The following RCOR3 variants were observed in gnomAD, a reference collection of about 807,000 sequenced individuals.
The protein encoded by RCOR3 is REST corepressor 3.
A neutral mutation model predicts 64.1 loss-of-function variants in RCOR3; 13 were observed. The ratio of observed to expected loss-of-function variants is 0.20; its 90% confidence interval spans 0.13 to 0.32. The LOEUF (loss-of-function observed/expected upper bound fraction) is 0.32. Among genes scored for constraint, RCOR3 ranks in the 10% least tolerant of loss-of-function variants. The pLI is 1.00. For synonymous variants in RCOR3, 215 were observed against 239.0 expected (o/e 0.90, Z 0.93); for missense variants, 489 against 701.2 (o/e 0.70, Z 3.42).
Position 211,270,186 on chromosome 1 carries a change from C to T in RCOR3, c.224-1046C>T, listed in dbSNP as rs530195218. Among the ~76,000 whole-genome samples the T allele has an allele frequency of 1.9e-4, 29 of 151,648 alleles. 1 individual carries two copies. The highest frequency in any genetic ancestry group is 5.3e-4 in the Admixed American group (8 of 15,220). On this transcript the variant is annotated intron_variant, in intron 2 of 11. Transcript: ENST00000419091. ...TCAAGCAGTTCTCCTGCGTCAGCCT[C>T]CCAAGTAGCTGGATTACAGGTGCGC...
intron 2 of RCOR3, 95 bp from the exon 3 acceptor site, chr1:211,271,137 A>C: frequency 4.8e-6 from 5 of 1,052,134 alleles, no homozygotes; most frequent in Non-Finnish European, 7.2e-6. Context: ...GATTACAGGC[A>C]TGAGCCACCG....
At chr1:211,286,067 G>A (rs1021378042) in intron 7 of RCOR3, among the ~76,000 whole-genome samples, 8 of 152,122 alleles carry the variant, frequency 5.3e-5, no homozygotes, top group Non-Finnish European at 8.8e-5. Flanking sequence ...TGTTAAGTAT[G>A]TGTCTTATAA....
intron 1 of RCOR3, 54 bp downstream of exon 1, chr1:211,259,780 C>A: frequency 1.5e-6 from 2 of 1,356,034 alleles, no homozygotes; most frequent in Non-Finnish European, 1.9e-6. Context: ...CCCTCTTCCC[C>A]TCCCCCAGCC....
chr1:211,269,562 AC>A (rs560455883), intron 2 of RCOR3, among the ~76,000 whole-genome samples: 9 of 152,122 alleles, frequency 5.9e-5, no homozygotes, highest in South Asian at 2.1e-4. Flanking sequence ...ACGCCATTGC[AC>A]TCCAGCCTGG....
chr1:211,284,713 G>A (rs1698291345), intron 7 of RCOR3, among the ~76,000 whole-genome samples: 1 of 151,862 alleles, frequency 6.6e-6, no homozygotes, highest in African/African-American at 2.4e-5. Context: ...GTAGAGATGG[G>A]GTCTTGCTAC....
At chr1:211,277,431 T>C (rs1697175673) in intron 5 of RCOR3, among the ~76,000 whole-genome samples, 1 of 152,168 alleles carries the variant, frequency 6.6e-6, no homozygotes, top group Non-Finnish European at 1.5e-5. Context: ...GAGACTTCAT[T>C]TGATGGCCAA....
At chr1:211,309,293 TA>T (rs1488866978) in intron 10 of RCOR3, among the ~76,000 whole-genome samples, 1 of 152,192 alleles carries the variant, frequency 6.6e-6, no homozygotes, top group Non-Finnish European at 1.5e-5. Context: ...TTTAGCAAGT[TA>T]AAAGTGTTAA....
intron 10 of RCOR3, among the ~76,000 whole-genome samples, chr1:211,310,310 G>T (rs79160370): frequency 0.028 from 4,257 of 152,206 alleles, 77 homozygotes; most frequent in South Asian, 0.073. Context: ...CATCCTTCAG[G>T]ATGAGGGGAT....
chr1:211,267,312 T>G (rs1194094038), intron 2 of RCOR3, among the ~76,000 whole-genome samples: 1 of 152,246 alleles, frequency 6.6e-6, no homozygotes, highest in Non-Finnish European at 1.5e-5. Context: ...GTTCATATTC[T>G]TAACCATTGC....
rs180783815 is a variant in RCOR3 at position 211,269,379 on chromosome 1, C to T, written c.224-1853C>T. Among the ~76,000 whole-genome samples the T allele has an allele frequency of 2.2e-3, 328 of 152,150 alleles. 1 individual carries two copies. Among genetic ancestry groups the T allele is most frequent in the Admixed American group, 4.5e-3 (68 of 15,268 alleles). ...TTGGGAGGCTGAGGCAGGCGGATCA[C>T]GAGGTCAGGAGTTCAAGACCAGCCT... On this transcript the variant is annotated intron_variant, in intron 2 of 11. Coordinates refer to ENST00000419091, the MANE Select transcript of RCOR3 (RefSeq NM_001136223.3).
At chr1:211,270,044 T>C (rs950858575) in intron 2 of RCOR3, among the ~76,000 whole-genome samples, 4 of 147,316 alleles carry the variant, frequency 2.7e-5, no homozygotes, top group African/African-American at 1.0e-4. Flanking sequence ...AAGAAGAAGT[T>C]GCGTTAACTT....
intron 7 of RCOR3, among the ~76,000 whole-genome samples, chr1:211,282,890 T>A (rs1698012716): frequency 6.6e-6 from 1 of 152,252 alleles, no homozygotes; most frequent in Admixed American, 6.5e-5. Context: ...TTATCACATA[T>A]ATATAATCAC....
intron 2 of RCOR3, among the ~76,000 whole-genome samples, chr1:211,263,992 T>C (rs1226702129): frequency 6.6e-6 from 1 of 152,076 alleles, no homozygotes; most frequent in African/African-American, 2.4e-5. Flanking sequence ...TAATTTTGTT[T>C]TTTGTATTTT....
chr1:211,304,928 T>A (rs1700714250), intron 10 of RCOR3, among the ~76,000 whole-genome samples: 1 of 152,180 alleles, frequency 6.6e-6, no homozygotes, highest in Admixed American at 6.5e-5. Context: ...TGGTCTACAT[T>A]TTGTTTCTTC....
intron 5 of RCOR3, 111 bp from the exon 6 acceptor site, chr1:211,278,006 A>G (rs1008326023): frequency 2.2e-6 from 2 of 902,038 alleles, no homozygotes; most frequent in African/African-American, 1.7e-5. Context: ...TCATAAAGGT[A>G]CCCATGAAAT....
At chr1:211,296,846 A>G (rs1186483673) in intron 9 of RCOR3, among the ~76,000 whole-genome samples, 1 of 152,148 alleles carries the variant, frequency 6.6e-6, no homozygotes, top group Admixed American at 6.5e-5. Context: ...AACAAAAATT[A>G]TTTTAATTTT....
At position 211,313,554 on chromosome 1, in the gene RCOR3, C is replaced by T; in HGVS notation, c.1448C>T (p.Ala483Val). 6.2e-7 allele frequency: 1 copy of T among 1,614,166 alleles called. No individual in the cohort carries two copies. Among genetic ancestry groups the T allele is most frequent in the Non-Finnish European group, 8.5e-7 (1 of 1,180,024 alleles). ...PPLLRPTLPAAPALHRQPPPL... is the reference protein window; with the variant it reads ...PPLLRPTLPAVPALHRQPPPL... Reference sequence around the variant, plus strand: ...CTTCTTCGTCCAACACTGCCTGCTGCCCCGGCTCTTCACCGGCAGCCTCCT... The same window carrying T: ...CTTCTTCGTCCAACACTGCCTGCTGTCCCGGCTCTTCACCGGCAGCCTCCT... Residue 483 changes from alanine to valine, a missense_variant, in exon 12 of 12, where the codon GCC becomes GTC. By Grantham distance (64) the Ala-to-Val change is moderately conservative. Transcript: ENST00000419091. This position sits in a 1 kb window ranked among gnomAD's most constrained non-coding sequence, Gnocchi z 4.7.
chr1:211,285,439 C>T (rs1467899551), intron 7 of RCOR3, among the ~76,000 whole-genome samples: 4 of 152,294 alleles, frequency 2.6e-5, no homozygotes, highest in Admixed American at 2.6e-4. Context: ...TAATCAATCC[C>T]GGAAGCACTA....
intron 3 of RCOR3, among the ~76,000 whole-genome samples, chr1:211,273,736 C>T (rs1558056211): frequency 6.6e-6 from 1 of 152,048 alleles, no homozygotes; most frequent in African/African-American, 2.4e-5. Context: ...ATAAATGTGT[C>T]GTTATTATGT....
Sources: allele counts gnomAD v4.1 joint callset (sites outside exome capture counted in the v4.1 genomes callset), GRCh38; gene constraint gnomAD v4.1.1; non-coding constraint Gnocchi (gnomAD v3.1); transcripts MANE v1.5; gene names NCBI Gene and HGNC (gene_info 2026-07-23, HGNC 2026-07-21).